Variants in ANK3 observed in about 807,000 individuals in gnomAD.
The protein encoded by ANK3 is ankyrin 3, also known as ankyrin-3.
Under a neutral mutation model 370.9 loss-of-function variants are expected in ANK3, and 57 were observed. The ratio of observed to expected loss-of-function variants is 0.15; its 90% confidence interval spans 0.12 to 0.19. ANK3 has a LOEUF of 0.19. Ranked by LOEUF, ANK3 falls within the 10% of genes least tolerant of loss-of-function variation. The pLI is 1.00. For missense variants in ANK3, 4,439 were observed against 5,302.1 expected, an observed-to-expected ratio of 0.84 and a Z score of 5.06; for synonymous variants, 1,929 against 1,946.3, an observed-to-expected ratio of 0.99 and a Z score of 0.23.
At chr10:60,090,912 A>T (rs1203108348) in intron 28 of ANK3, among the ~76,000 whole-genome samples, 1 of 151,450 alleles carries the variant, frequency 6.6e-6, no homozygotes, top group African/African-American at 2.4e-5. Flanking sequence ...CCATTTACTG[A>T]CATCTTTTTT....
intron 28 of ANK3, among the ~76,000 whole-genome samples, chr10:60,097,343 G>A (rs1451430098): frequency 1.3e-5 from 2 of 152,292 alleles, no homozygotes; most frequent in South Asian, 4.1e-4. Flanking sequence ...GATGAGTAAT[G>A]AATAGATTTG....
intron 2 of ANK3, among the ~76,000 whole-genome samples, chr10:60,543,396 G>C (rs1043934686): frequency 6.6e-6 from 1 of 152,048 alleles, no homozygotes; most frequent in Non-Finnish European, 1.5e-5. Context: ...GATTGGAAGT[G>C]ACCCAAATGT....
At chr10:60,423,809 T>C (rs574882587) in intron 2 of ANK3, among the ~76,000 whole-genome samples, 1 of 152,178 alleles carries the variant, frequency 6.6e-6, no homozygotes, top group South Asian at 2.1e-4. Flanking sequence ...TATACACTGA[T>C]CTAAATTTGG....
intron 1 of ANK3, among the ~76,000 whole-genome samples, chr10:60,668,151 G>T (rs1301062157): frequency 6.6e-6 from 1 of 151,514 alleles, no homozygotes; most frequent in African/African-American, 2.5e-5. Flanking sequence ...AGGAAAAGAA[G>T]GAGGAAACTC....
At chr10:60,557,529 G>A (rs1200931708) in intron 2 of ANK3, among the ~76,000 whole-genome samples, 1 of 152,090 alleles carries the variant, frequency 6.6e-6, no homozygotes. Context: ...TTTGTTGGGG[G>A]TGTGAAAGTT....
intron 1 of ANK3, among the ~76,000 whole-genome samples, chr10:60,722,360 T>C (rs1420235039): frequency 6.6e-6 from 1 of 151,988 alleles, no homozygotes; most frequent in East Asian, 1.9e-4. Context: ...AGGAGGATCA[T>C]TTAACCCCAA....
At chr10:60,686,855 TATACA>T (rs1220960991) in intron 1 of ANK3, among the ~76,000 whole-genome samples, 1 of 152,168 alleles carries the variant, frequency 6.6e-6, no homozygotes, top group Non-Finnish European at 1.5e-5. Flanking sequence ...CCTCTACCCA[TATACA>T]ATCATGCACC....
intron 2 of ANK3, among the ~76,000 whole-genome samples, chr10:60,395,580 C>CTTTCT: frequency 7.9e-6 from 1 of 126,118 alleles, no homozygotes; most frequent in African/African-American, 3.2e-5. Flanking sequence ...TTCTTTCTTT[C>CTTTCT]TTTCTTTCTT....
intron 38 of ANK3, among the ~76,000 whole-genome samples, chr10:60,067,641 G>A (rs2081916936): frequency 6.6e-6 from 1 of 152,154 alleles, no homozygotes; most frequent in African/African-American, 2.4e-5. Flanking sequence ...TTGCTATTCA[G>A]TAGAAGGTTA....
chr10:60,126,460 T>A (rs950788525), intron 25 of ANK3, among the ~76,000 whole-genome samples: 1 of 151,568 alleles, frequency 6.6e-6, no homozygotes, highest in African/African-American at 2.4e-5. Context: ...CAGAGGCGGG[T>A]GGATCACATG....
At chr10:60,427,734 A>C (rs1268656425) in intron 2 of ANK3, among the ~76,000 whole-genome samples, 1 of 152,186 alleles carries the variant, frequency 6.6e-6, no homozygotes, top group Non-Finnish European at 1.5e-5. Context: ...GGGTTATTAA[A>C]AAAGGTAAAC....
At chr10:60,726,748 A>C (rs1252797403) in intron 1 of ANK3, among the ~76,000 whole-genome samples, 1 of 152,172 alleles carries the variant, frequency 6.6e-6, no homozygotes, top group Non-Finnish European at 1.5e-5. Flanking sequence ...GTAAATAAAC[A>C]AAATTCACTG....
intron 43 of ANK3, among the ~76,000 whole-genome samples, chr10:60,040,290 CTTT>C (rs926634479): frequency 4.2e-5 from 6 of 142,154 alleles, no homozygotes; most frequent in African/African-American, 1.3e-4. Context: ...GCTTAGTTTT[CTTT>C]TTTTTTTTTT....
intron 43 of ANK3, among the ~76,000 whole-genome samples, chr10:60,042,354 G>T (rs1195556588): frequency 6.6e-6 from 1 of 152,150 alleles, no homozygotes; most frequent in Non-Finnish European, 1.5e-5. Flanking sequence ...CTTCCTGTTA[G>T]ATTGTATAAG....
At chr10:60,139,419 C>A (rs2094475551) in intron 23 of ANK3, 2 of 235,950 alleles carry the variant, frequency 8.5e-6, no homozygotes, top group African/African-American at 2.2e-5. Flanking sequence ...CCTCACCTCA[C>A]CTCACCCACG....
chr10:60,233,081 T>G (rs1592152269), intron 8 of ANK3, among the ~76,000 whole-genome samples: 1 of 152,188 alleles, frequency 6.6e-6, no homozygotes, highest in South Asian at 2.1e-4. Context: ...ACAAGAAATA[T>G]TGAATAAGAA....
At chr10:60,374,802 G>T (rs567937769) in intron 1 of ANK3, among the ~76,000 whole-genome samples, 1 of 152,086 alleles carries the variant, frequency 6.6e-6, no homozygotes, top group Non-Finnish European at 1.5e-5. Flanking sequence ...TAAGAGATTC[G>T]TTGGTACTTT....
intron 1 of ANK3, among the ~76,000 whole-genome samples, chr10:60,689,039 C>T (rs146699964): frequency 7.5e-4 from 114 of 151,894 alleles, no homozygotes; most frequent in African/African-American, 2.7e-3. Context: ...GTAATGCTGA[C>T]TTTGTTTCTA....
rs957673551 is a variant in ANK3 at position 60,181,894 on chromosome 10, C to T, written c.2086-467G>A. ...CTGCATGAAAAATTGTAGGCATACT[C>T]GAAAGTGTAAGAAATGGAGTGAGCC... On this transcript the variant is annotated intron_variant, in intron 17 of 43. Coordinates refer to ENST00000280772, the MANE Select transcript of ANK3 (RefSeq NM_020987.5). Among the ~76,000 whole-genome samples, 7 of 152,154 alleles carry T rather than the reference C, an allele frequency of 4.6e-5. No individual in the cohort carries two copies. In the South Asian group the frequency reaches 6.2e-4, roughly 14 times the overall value.
Sources: allele counts gnomAD v4.1 joint callset (sites outside exome capture counted in the v4.1 genomes callset), GRCh38; gene constraint gnomAD v4.1.1; transcripts MANE v1.5; gene names NCBI Gene and HGNC (gene_info 2026-07-23, HGNC 2026-07-21).